The following GRIA1 variants were observed in gnomAD, a reference collection of about 807,000 sequenced individuals.
The protein encoded by GRIA1 is glutamate receptor 1.
Under a neutral mutation model 99.2 loss-of-function variants are expected in GRIA1, and 31 were observed. The observed-to-expected ratio is 0.31, with a 90% CI of 0.23 to 0.42. The LOEUF is 0.42. Among genes scored for constraint, GRIA1 ranks in the 10% least tolerant of loss-of-function variants. The pLI is 1.00. For synonymous variants in GRIA1, 438 were observed against 432.4 expected (o/e 1.01, Z -0.16); for missense variants, 782 against 1,157.5 (o/e 0.68, Z 4.71).
intron 11 of GRIA1, among the ~76,000 whole-genome samples, chr5:153,737,890 C>T (rs2149569546): frequency 6.6e-6 from 1 of 152,282 alleles, no homozygotes; most frequent in South Asian, 2.1e-4. Flanking sequence ...TCCTTTATCT[C>T]AGGCATTTTT....
chr5:153,491,101 A>T, intron 1 of GRIA1, 131 bp downstream of exon 1: 2 of 1,065,188 alleles, frequency 1.9e-6, no homozygotes, highest in South Asian at 1.4e-5. Flanking sequence ...CTGCGGTAAC[A>T]GAAGGGAGAC....
chr5:153,605,328 T>C (rs1209687343), intron 2 of GRIA1, among the ~76,000 whole-genome samples: 1 of 152,250 alleles, frequency 6.6e-6, no homozygotes, highest in African/African-American at 2.4e-5. Flanking sequence ...TGATTGTAGA[T>C]AGGTGTAGTT....
intron 2 of GRIA1, among the ~76,000 whole-genome samples, chr5:153,600,833 G>T (rs561834575): frequency 6.6e-6 from 1 of 152,220 alleles, no homozygotes; most frequent in African/African-American, 2.4e-5. Flanking sequence ...AAAGACCTGG[G>T]AGGTGAAGCC....
At chr5:153,790,305 G>A (rs1561862857) in intron 13 of GRIA1, among the ~76,000 whole-genome samples, 1 of 152,172 alleles carries the variant, frequency 6.6e-6, no homozygotes. Flanking sequence ...GACAAAAAAT[G>A]ACCAATCTCT....
At chr5:153,519,717 A>G (rs533364744) in intron 2 of GRIA1, among the ~76,000 whole-genome samples, 1 of 152,298 alleles carries the variant, frequency 6.6e-6, no homozygotes, top group Admixed American at 6.5e-5. Flanking sequence ...ACAGTCCTAG[A>G]CAAGGAAACA....
At chr5:153,655,578 C>CT (rs922432851) in intron 4 of GRIA1, among the ~76,000 whole-genome samples, 10 of 152,260 alleles carry the variant, frequency 6.6e-5, no homozygotes, top group African/African-American at 2.4e-4. Flanking sequence ...GTATCTGCCA[C>CT]TTAGTAGCTG....
chr5:153,652,270 A>G (rs1372344662), intron 4 of GRIA1, among the ~76,000 whole-genome samples: 1 of 152,084 alleles, frequency 6.6e-6, no homozygotes, highest in Non-Finnish European at 1.5e-5. Flanking sequence ...AATGATAATG[A>G]CATATTAATA....
At chr5:153,608,550 A>G (rs775760877) in intron 2 of GRIA1, among the ~76,000 whole-genome samples, 1 of 152,164 alleles carries the variant, frequency 6.6e-6, no homozygotes, top group Non-Finnish European at 1.5e-5. Flanking sequence ...TGAATTTTAG[A>G]TGCCAGTCAT....
intron 11 of GRIA1, among the ~76,000 whole-genome samples, chr5:153,722,735 T>C (rs148239513): frequency 6.6e-6 from 1 of 152,330 alleles, no homozygotes; most frequent in Non-Finnish European, 1.5e-5. Flanking sequence ...TAACTGGTTC[T>C]GAGATGGAAG....
intron 14 of GRIA1, among the ~76,000 whole-genome samples, chr5:153,796,651 T>A (rs1765664567): frequency 6.6e-6 from 1 of 152,138 alleles, no homozygotes; most frequent in Non-Finnish European, 1.5e-5. Flanking sequence ...TTTACTTCAG[T>A]GTATCATCTA....
rs1482185860 is a variant in GRIA1 at position 153,725,868 on chromosome 5, C to T, written c.1823+19801C>T. On this transcript the variant is annotated intron_variant, in intron 11 of 15. Transcript: ENST00000285900. ...TTAACAAGGATACCCAGGAATTGAA[C>T]TCAGCTCTGCACCAAGCGGACCTAA... Among the ~76,000 whole-genome samples the T allele has an allele frequency of 2.2e-5, 3 of 135,194 alleles. No homozygotes were observed. In the Admixed American group the frequency reaches 2.3e-4, roughly 10 times the overall value. The allele number at this position is 135,194 out of a possible 152,430, so 88.7% of individuals were successfully genotyped here.
At chr5:153,610,017 C>A (rs1031831287) in intron 2 of GRIA1, among the ~76,000 whole-genome samples, 4 of 152,180 alleles carry the variant, frequency 2.6e-5, no homozygotes, top group African/African-American at 4.8e-5. Flanking sequence ...TGGCATCATT[C>A]TACTGTCTGC....
intron 11 of GRIA1, among the ~76,000 whole-genome samples, chr5:153,762,872 C>T (rs1032858083): frequency 1.4e-4 from 21 of 152,166 alleles, no homozygotes; most frequent in South Asian, 2.1e-4. Context: ...TATTTGTTTT[C>T]CTGAAACTTC....
At chr5:153,522,930 G>C (rs1757278930) in intron 2 of GRIA1, among the ~76,000 whole-genome samples, 1 of 151,678 alleles carries the variant, frequency 6.6e-6, no homozygotes. Flanking sequence ...TTTAATGTTA[G>C]GTATGAATTC....
intron 8 of GRIA1, among the ~76,000 whole-genome samples, chr5:153,690,634 A>T (rs1038356357): frequency 6.6e-6 from 1 of 152,208 alleles, no homozygotes; most frequent in Non-Finnish European, 1.5e-5. Flanking sequence ...TTATATCAGC[A>T]TTGCATTTGG....
chr5:153,629,182 G>A (rs937987422), intron 2 of GRIA1, among the ~76,000 whole-genome samples: 4 of 152,132 alleles, frequency 2.6e-5, no homozygotes, highest in African/African-American at 7.2e-5. Context: ...GCTGTGAGGA[G>A]GGCAAAAATG....
chr5:153,538,743 C>T (rs1229418039), intron 2 of GRIA1, among the ~76,000 whole-genome samples: 1 of 152,156 alleles, frequency 6.6e-6, no homozygotes, highest in Non-Finnish European at 1.5e-5. Context: ...CCCTATTTCT[C>T]CCTCTAATTA....
intron 13 of GRIA1, among the ~76,000 whole-genome samples, chr5:153,778,407 G>A (rs1764411727): frequency 6.6e-6 from 1 of 152,012 alleles, no homozygotes; most frequent in African/African-American, 2.4e-5. Context: ...GATAAGACTT[G>A]TTGTTAATAT....
chr5:153,720,696 G>T (rs1415185717), intron 11 of GRIA1, among the ~76,000 whole-genome samples: 1 of 152,192 alleles, frequency 6.6e-6, no homozygotes, highest in African/African-American at 2.4e-5. Context: ...ACAGGAGTCA[G>T]AAGATACAAC....
Sources: allele counts gnomAD v4.1 joint callset (sites outside exome capture counted in the v4.1 genomes callset), GRCh38; gene constraint gnomAD v4.1.1; transcripts MANE v1.5; gene names NCBI Gene and HGNC (gene_info 2026-07-23, HGNC 2026-07-21).